PPIL3: variants seen among roughly 807,000 people sequenced by gnomAD.
PPIL3 encodes the protein peptidylprolyl isomerase like 3, also known as peptidyl-prolyl cis-trans isomerase-like 3.
Under a neutral mutation model 20.9 loss-of-function variants are expected in PPIL3, and 13 were observed. That is an observed-to-expected ratio of 0.62 (90% CI 0.40 to 0.99). The LOEUF is 0.99. PPIL3 is among the 50% of genes least tolerant of loss of function. PPIL3 has a pLI of 0.00. For missense variants in PPIL3, 170 were observed against 195.2 expected (o/e 0.87, Z 0.77); for synonymous variants, 71 against 64.4 (o/e 1.10, Z -0.49).
chr2:200,876,252 A>G (rs1229320292), intron 6 of PPIL3, among the ~76,000 whole-genome samples: 1 of 151,840 alleles, frequency 6.6e-6, no homozygotes, highest in Non-Finnish European at 1.5e-5. Context: ...TGAGGCTGCA[A>G]TGAGCCATGA....
chr2:200,881,120 G>A (rs920613413), intron 5 of PPIL3, among the ~76,000 whole-genome samples: 1 of 152,098 alleles, frequency 6.6e-6, no homozygotes, highest in Non-Finnish European at 1.5e-5. Context: ...CATTCAACAT[G>A]AATTTTATGG....
intron 6 of PPIL3, among the ~76,000 whole-genome samples, chr2:200,876,144 T>G (rs1322728510): frequency 2.7e-5 from 3 of 113,128 alleles, no homozygotes; most frequent in African/African-American, 1.2e-4. Flanking sequence ...GTTTTTTTTG[T>G]TTTTTTTTTT....
intron 6 of PPIL3, among the ~76,000 whole-genome samples, chr2:200,872,134 C>G (rs1251867567): frequency 1.3e-5 from 2 of 152,096 alleles, no homozygotes; most frequent in Non-Finnish European, 2.9e-5. Flanking sequence ...TCTGACTAAC[C>G]ATGATATAAT....
chr2:200,879,259 C>A (rs2039628405), intron 5 of PPIL3, among the ~76,000 whole-genome samples: 1 of 152,116 alleles, frequency 6.6e-6, no homozygotes, highest in Admixed American at 6.5e-5. Flanking sequence ...GCTGGGACTA[C>A]AGGCACCCAC....
chr2:200,888,887 C>T (rs2040086693), intron 1 of PPIL3, 69 bp downstream of exon 1: 1 of 470,472 alleles, frequency 2.1e-6, no homozygotes, highest in Admixed American at 2.4e-5. Context: ...AGAACTAAAC[C>T]AGTAGCAACA....
rs2039291295 is a variant in PPIL3, at chr2:200,871,133, A to T, written c.*262T>A. The stretch of plus-strand genomic sequence containing the variant: ...CTTGAGGCTGAGCATTTAAAAATGA[A>T]TGTTCATATGTAACAAAAATTAAAT... On this transcript the variant is annotated 3_prime_UTR_variant, in exon 7 of 7. Transcript: ENST00000392283. 2 of 257,926 alleles carry T rather than the reference A, an allele frequency of 7.8e-6. No individual in the cohort carries two copies. The highest frequency in any genetic ancestry group is 1.0e-4 in the Admixed American group (2 of 19,596). The allele number at this position is 257,926 out of a possible 1,614,324, so 16.0% of individuals were successfully genotyped here.
At chr2:200,880,814 A>G (rs1358964044) in intron 5 of PPIL3, among the ~76,000 whole-genome samples, 1 of 151,988 alleles carries the variant, frequency 6.6e-6, no homozygotes, top group Non-Finnish European at 1.5e-5. Flanking sequence ...CTAGGCATGC[A>G]CTAATTTTTA....
In PPIL3 at chr2:200,885,690, GTAC is replaced by G. The variant is rs755118191; in HGVS notation, c.78+5_78+7del. Reference sequence around the variant, plus strand: ...ACTGATGTTGAATATGTAAATAATAGTACTTACCTCACATGTTTTGGGTGTCCT... The same window carrying G: ...ACTGATGTTGAATATGTAAATAATAGTTACCTCACATGTTTTGGGTGTCCT... On this transcript the variant is annotated splice_donor_5th_base_variant and intron_variant, in intron 3 of 6. Coordinates refer to ENST00000392283, the MANE Select transcript of PPIL3 (RefSeq NM_130906.3). 6.6e-7 allele frequency: 1 copy of G among 1,505,580 alleles called. No individual in the cohort carries two copies. The highest frequency in any genetic ancestry group is 1.1e-5 in the South Asian group (1 of 87,922). 93.3% of individuals were successfully genotyped at this position (1,505,580 alleles called of 1,614,324 possible). A position where few individuals can be genotyped will look rare whatever the true frequency, so the allele number is the denominator to read the frequency against.
chr2:200,885,831 G>A, intron 2 of PPIL3, 59 bp from the exon 3 acceptor site: 1 of 1,031,912 alleles, frequency 9.7e-7, no homozygotes, highest in East Asian at 2.5e-5. Context: ...TTTATGCATT[G>A]TTTATTTCCC....
chr2:200,888,595 C>G (rs994869717), intron 1 of PPIL3: 1 of 223,894 alleles, frequency 4.5e-6, no homozygotes, highest in African/African-American at 2.3e-5. Context: ...TCTCGGCTCA[C>G]TGCAACCTCC....
chr2:200,878,685 T>C (rs1185939475), intron 5 of PPIL3, among the ~76,000 whole-genome samples: 3 of 152,082 alleles, frequency 2.0e-5, no homozygotes, highest in Admixed American at 2.0e-4. Context: ...TGAGCCACTG[T>C]GCCCAGCCCT....
intron 2 of PPIL3, among the ~76,000 whole-genome samples, chr2:200,886,430 T>G (rs1417783256): frequency 2.8e-5 from 4 of 143,068 alleles, no homozygotes; most frequent in African/African-American, 7.6e-5. Context: ...TCATTTCTCC[T>G]TTTTTTTTTT....
intron 5 of PPIL3, among the ~76,000 whole-genome samples, chr2:200,879,529 A>G (rs147554829): frequency 1.1e-3 from 166 of 152,220 alleles, no homozygotes; most frequent in African/African-American, 3.9e-3. Context: ...CAAGGCCATG[A>G]TCTGTTATAG....
chr2:200,883,420 T>C (rs2105780373), intron 3 of PPIL3, among the ~76,000 whole-genome samples: 1 of 152,012 alleles, frequency 6.6e-6, no homozygotes, highest in East Asian at 1.9e-4. Flanking sequence ...CATTATTCTC[T>C]ATCTCAACAC....
intron 2 of PPIL3, chr2:200,886,902 C>G (rs2039956203): frequency 6.6e-6 from 1 of 152,122 alleles, no homozygotes. Context: ...TGGGATCAAG[C>G]AGTCCTCTCA....
At chr2:200,885,801 A>C (rs1157345068) in intron 2 of PPIL3, 29 bp from the exon 3 acceptor site, 1 of 1,376,608 alleles carries the variant, frequency 7.3e-7, no homozygotes, top group East Asian at 2.3e-5. Context: ...GTGAGAACAA[A>C]TGAAATTTAT....
At chr2:200,875,867 G>A (rs550285265) in intron 6 of PPIL3, among the ~76,000 whole-genome samples, 1 of 152,118 alleles carries the variant, frequency 6.6e-6, no homozygotes, top group South Asian at 2.1e-4. Context: ...GGAAAGTTCT[G>A]TTAATTAAAA....
At chr2:200,876,517 A>ATT (rs1273010531) in intron 6 of PPIL3, among the ~76,000 whole-genome samples, 113 of 130,666 alleles carry the variant, frequency 8.6e-4, no homozygotes, top group African/African-American at 2.6e-3. Flanking sequence ...TTTTCTTTTC[A>ATT]TTTTTTTTTT....
At chr2:200,875,153 ATTC>A (rs1447794938) in intron 6 of PPIL3, among the ~76,000 whole-genome samples, 2 of 152,224 alleles carry the variant, frequency 1.3e-5, no homozygotes, top group African/African-American at 4.8e-5. Flanking sequence ...CCTAGGAGCC[ATTC>A]TTCTTACTCG....
Sources: allele counts gnomAD v4.1 joint callset (sites outside exome capture counted in the v4.1 genomes callset), GRCh38; gene constraint gnomAD v4.1.1; transcripts MANE v1.5; gene names NCBI Gene and HGNC (gene_info 2026-07-23, HGNC 2026-07-21).